Variants in BCL2L14 observed in about 807,000 individuals in gnomAD.
BCL2L14 encodes apoptosis facilitator Bcl-2-like protein 14.
A neutral mutation model predicts 35.3 loss-of-function variants in BCL2L14; 27 were observed. The ratio of observed to expected loss-of-function variants is 0.76; its 90% CI spans 0.56 to 1.05. The LOEUF is 1.05. BCL2L14 is among the 50% of genes least tolerant of loss of function. The pLI is 0.00. For synonymous variants in BCL2L14, 139 were observed against 145.9 expected, an observed-to-expected ratio of 0.95 and a Z score of 0.34; for missense variants, 377 against 382.6, an observed-to-expected ratio of 0.99 and a Z score of 0.12.
Position 12,094,867 on chromosome 12 carries a change from G to A in BCL2L14, c.882G>A (p.Leu294=), listed in dbSNP as rs1248514953. 1.9e-6 allele frequency: 3 copies of A among 1,614,052 alleles called. No individual in the cohort carries two copies. Among genetic ancestry groups the A allele is most frequent in the Non-Finnish European group, 1.7e-6 (2 of 1,180,054 alleles). Residue 294 remains leucine (L), a synonymous_variant, in exon 5 of 6, where the codon CTG becomes CTA. Coordinates refer to ENST00000308721, the MANE Select transcript of BCL2L14 (RefSeq NM_138723.2). ...ACAACCACCCGATGAACAGGGTCCT[G>A]GGCTTTGGCACCAAGTACCTGAAAG... ...AIDNHPMNRV[L]GFGTKYLKEN...
upstream of BCL2L14, among the ~76,000 whole-genome samples, chr12:12,069,929 T>C (rs560243966): frequency 2.0e-5 from 3 of 152,296 alleles, no homozygotes; most frequent in Admixed American, 2.0e-4. Flanking sequence ...TCTTCCCCAC[T>C]TTTACGAAAA....
At chr12:12,052,449 A>G (rs1305862999) in intron 2 of BCL2L14, among the ~76,000 whole-genome samples, 1 of 152,114 alleles carries the variant, frequency 6.6e-6, no homozygotes. Flanking sequence ...CTCAGATCCT[A>G]CCTATGAGTG....
chr12:12,087,626 A>G (rs1949076622), intron 3 of BCL2L14, among the ~76,000 whole-genome samples: 3 of 152,242 alleles, frequency 2.0e-5, no homozygotes, highest in East Asian at 1.9e-4. Flanking sequence ...AAAGTCTCCT[A>G]CAGAGGGAGA....
chr12:12,095,296 T>C (rs534434833), intron 5 of BCL2L14: 141 of 985,180 alleles, frequency 1.4e-4, no homozygotes, highest in Non-Finnish European at 1.6e-4. Context: ...AGGCAGACAG[T>C]TCCTCACACT....
intron 5 of BCL2L14, chr12:12,096,168 CA>C: frequency 2.0e-6 from 2 of 980,256 alleles, no homozygotes; most frequent in Non-Finnish European, 2.4e-6. Context: ...AAAAGATGAT[CA>C]AATTCCCAAT....
chr12:12,060,187 G>A (rs12422703), intron 2 of BCL2L14, among the ~76,000 whole-genome samples: 120,121 of 150,106 alleles, frequency 0.8, 48,255 homozygotes, highest in East Asian at 1. Flanking sequence ...TTACAGTTTC[G>A]TTCCATGACT....
At position 12,079,487 on chromosome 12, in the gene BCL2L14, G is replaced by A; in HGVS notation, c.182G>A (p.Cys61Tyr). Reference sequence around the variant, plus strand: ...TTGTCCCAGAGGGGCCTGGGGAATTGTTCAGCAAATGAGTCATGGACAGAG... The same window carrying A: ...TTGTCCCAGAGGGGCCTGGGGAATTATTCAGCAAATGAGTCATGGACAGAG... ...RSLSQRGLGN[C>Y]SANESWTEVS... is the part of the protein sequence containing the mutation. The change falls in exon 2 of 6, where the codon TGT (cysteine) becomes TAT (tyrosine). Residue 61 changes from cysteine (C) to tyrosine (Y), a missense_variant. By Grantham distance (194) the Cys-to-Tyr change is radical. Transcript: ENST00000308721. 1 of 1,614,240 alleles carries A rather than the reference G, an allele frequency of 6.2e-7. No individual in the cohort carries two copies. Among genetic ancestry groups the A allele is most frequent in the Non-Finnish European group, 8.5e-7 (1 of 1,180,046 alleles).
At chr12:12,098,853 G>C in intron 5 of BCL2L14, 97 bp from the exon 6 acceptor site, 1 of 875,558 alleles carries the variant, frequency 1.1e-6, no homozygotes, top group Non-Finnish European at 1.9e-6. Flanking sequence ...CCTGAGCCTC[G>C]GGTCACGCCT....
chr12:12,056,539 C>G (rs1565437554), intron 2 of BCL2L14, among the ~76,000 whole-genome samples: 1 of 152,168 alleles, frequency 6.6e-6, no homozygotes, highest in Non-Finnish European at 1.5e-5. Context: ...GATTAAAACA[C>G]AGTTAATAGG....
chr12:12,075,433 CTTTTTTTT>C (rs139459317), intron 1 of BCL2L14, among the ~76,000 whole-genome samples: 2 of 105,444 alleles, frequency 1.9e-5, no homozygotes, highest in African/African-American at 3.4e-5. Flanking sequence ...TTCTTTCTTT[CTTTTTTTT>C]TTGAGACGGA....
At position 12,095,714 on chromosome 12, in the gene BCL2L14, C is replaced by A. The variant is rs868119618; in HGVS notation, c.945+784C>A. 1.5e-5 allele frequency: 15 copies of A among 985,234 alleles called. No individual in the cohort carries two copies. The South Asian group carries it at 5.6e-4, about 37-fold the overall frequency. The allele number at this position is 985,234 out of a possible 1,614,324, so 61.0% of individuals were successfully genotyped here. On this transcript the variant is annotated intron_variant, in intron 5 of 5. Transcript: ENST00000308721. Reference sequence around the variant, plus strand: ...CCAGGGGCCAGCAGGAGGATTGAGTCGGCTCTAGGCATGGCTGGAGTGACC... The same window carrying A: ...CCAGGGGCCAGCAGGAGGATTGAGTAGGCTCTAGGCATGGCTGGAGTGACC...
intron 1 of BCL2L14, among the ~76,000 whole-genome samples, chr12:12,051,080 C>T (rs190118125): frequency 7.7e-4 from 117 of 152,276 alleles, no homozygotes; most frequent in African/African-American, 2.7e-3. Flanking sequence ...GGACTTTTCA[C>T]TGTAGTAAAG....
chr12:12,079,157 T>C, intron 1 of BCL2L14, 142 bp from the exon 2 acceptor site: 1 of 692,682 alleles, frequency 1.4e-6, no homozygotes, highest in Non-Finnish European at 2.4e-6. Context: ...AGTAAGACTG[T>C]GGCTTTTCCC....
At chr12:12,075,024 T>C (rs2136737042) in intron 1 of BCL2L14, among the ~76,000 whole-genome samples, 1 of 152,322 alleles carries the variant, frequency 6.6e-6, no homozygotes, top group African/African-American at 2.4e-5. Context: ...GATATCTACA[T>C]CTTTATACAG....
chr12:12,087,495 T>C, intron 3 of BCL2L14, 109 bp downstream of exon 3: 5 of 1,240,960 alleles, frequency 4.0e-6, no homozygotes, highest in Non-Finnish European at 5.6e-6. Flanking sequence ...CTGCCTGGAC[T>C]GAGGGCTTGA....
chr12:12,091,423 TAA>T (rs1949186128), intron 4 of BCL2L14, among the ~76,000 whole-genome samples: 1 of 152,168 alleles, frequency 6.6e-6, no homozygotes. Context: ...TGCCTTCAGG[TAA>T]ACAGTTGGTG....
At chr12:12,080,082 G>A (rs1434111658) in intron 2 of BCL2L14, among the ~76,000 whole-genome samples, 1 of 152,072 alleles carries the variant, frequency 6.6e-6, no homozygotes, top group African/African-American at 2.4e-5. Context: ...GCGGGTGCCT[G>A]TAGTCCCAGC....
chr12:12,087,589 T>G (rs892438146), intron 3 of BCL2L14, among the ~76,000 whole-genome samples: 4 of 152,128 alleles, frequency 2.6e-5, no homozygotes, highest in African/African-American at 9.7e-5. Flanking sequence ...GAAAAAACAT[T>G]CCCAGCTCTC....
chr12:12,055,220 G>C (rs763940912), intron 2 of BCL2L14: 1 of 152,132 alleles, frequency 6.6e-6, no homozygotes, highest in Non-Finnish European at 1.5e-5. Context: ...GTACACATAC[G>C]TGGGAAACCA....
Sources: gnomAD v4.1 joint callset for allele counts (sites outside exome capture counted in the v4.1 genomes callset) on GRCh38, gnomAD v4.1.1 for gene constraint, MANE v1.5 for transcripts, NCBI Gene and HGNC (gene_info 2026-07-23, HGNC 2026-07-21) for gene names.